The following HACL1 variants were observed in gnomAD, a reference collection of about 807,000 sequenced individuals.
The protein encoded by HACL1 is 2-hydroxyacyl-CoA lyase 1.
In HACL1, 64 loss-of-function variants were observed where a neutral mutation model predicts 74.2. The observed-to-expected ratio is 0.86, with a 90% CI of 0.70 to 1.06. The LOEUF is 1.06. Ranked by LOEUF, HACL1 falls within the 50% of genes least tolerant of loss-of-function variation. The pLI is 0.00. For missense variants in HACL1, 728 were observed against 719.7 expected, an observed-to-expected ratio of 1.01 and a Z score of -0.13; for synonymous variants, 230 against 238.8, an observed-to-expected ratio of 0.96 and a Z score of 0.34.
chr3:15,591,023 G>A (rs1187092504), intron 4 of HACL1, among the ~76,000 whole-genome samples: 1 of 152,196 alleles, frequency 6.6e-6, no homozygotes, highest in Non-Finnish European at 1.5e-5. Flanking sequence ...AGAGGTTGTG[G>A]TGTGCCAAGA....
chr3:15,596,664 T>C lies in HACL1; in HGVS notation c.187-240A>G, dbSNP rs549108749. Reference sequence around the variant, plus strand: ...AAACATCCTCTTACAATTGCTTAAATATCTGCAGGATCAATAGGAATGTCC... The same window carrying C: ...AAACATCCTCTTACAATTGCTTAAACATCTGCAGGATCAATAGGAATGTCC... On this transcript the variant is annotated intron_variant, in intron 2 of 16. Coordinates refer to ENST00000321169, the MANE Select transcript of HACL1 (RefSeq NM_012260.4). Among the ~76,000 whole-genome samples the C allele has an allele frequency of 7.8e-4, 119 of 152,354 alleles. 1 individual carries two copies. The highest frequency in any genetic ancestry group is 4.8e-3 in the Admixed American group (74 of 15,306).
chr3:15,584,137 C>T (rs2063755131), intron 7 of HACL1, among the ~76,000 whole-genome samples: 3 of 151,952 alleles, frequency 2.0e-5, no homozygotes, highest in Admixed American at 2.0e-4. Flanking sequence ...AATATTTAGA[C>T]ATATAATAAA....
chr3:15,595,620 T>TG (rs1157274963), intron 3 of HACL1, among the ~76,000 whole-genome samples: 1 of 144,030 alleles, frequency 6.9e-6, no homozygotes. Context: ...TTTTTTTTTT[T>TG]TTTTTTTGAG....
At chr3:15,581,168 T>C (rs531248274) in intron 8 of HACL1, among the ~76,000 whole-genome samples, 3 of 152,276 alleles carry the variant, frequency 2.0e-5, no homozygotes, top group East Asian at 1.9e-4. Flanking sequence ...TCCCAAAGTG[T>C]TGGGATTACA....
intron 2 of HACL1, among the ~76,000 whole-genome samples, chr3:15,597,343 T>C (rs1325025160): frequency 2.6e-5 from 4 of 152,176 alleles, no homozygotes; most frequent in African/African-American, 9.7e-5. Flanking sequence ...TGGCGATTTA[T>C]TGAGATTTCC....
At chr3:15,589,031 C>T (rs773886529) in intron 5 of HACL1, among the ~76,000 whole-genome samples, 1 of 152,128 alleles carries the variant, frequency 6.6e-6, no homozygotes, top group Non-Finnish European at 1.5e-5. Context: ...CTAAGCAGGG[C>T]CTAAGCTCAC....
Position 15,601,294 on chromosome 3 carries a change from C to G in HACL1, c.81+89G>C, listed in dbSNP as rs546099346. ...GCTAAAAGGAAAACCCCCCGACCCC[C>G]ATCGCCCATTTCTACTCGTCTCCAA... On this transcript the variant is annotated intron_variant, in intron 1 of 16. Transcript: ENST00000321169. 7.2e-5 allele frequency: 114 copies of G among 1,582,260 alleles called. 3 individuals carry two copies. The East Asian group carries it at 2.4e-3, about 33-fold the overall frequency.
Position 15,579,962 on chromosome 3 carries a change from T to C in HACL1, c.751A>G (p.Lys251Glu). ...KLPFLPTPMGKGVVPDNHPYC... is the reference protein window; with the variant it reads ...KLPFLPTPMGEGVVPDNHPYC... ...GGATGGTTGTCAGGGACAACACCCT[T>C]CCCCATAGGGGTGGGCAAAAATGGC... is the stretch of plus-strand genomic sequence containing the variant. Residue 251 changes from lysine (K) to glutamate (E), a missense_variant, in exon 9 of 17, where the codon AAG (lysine) becomes GAG (glutamate). Lys to Glu is a moderately conservative substitution (Grantham distance 56). Coordinates refer to ENST00000321169, the MANE Select transcript of HACL1 (RefSeq NM_012260.4). The C allele has an allele frequency of 6.2e-7, 1 of 1,610,762 alleles. No individual in the cohort carries two copies. Among genetic ancestry groups the C allele is most frequent in the Non-Finnish European group, 8.5e-7 (1 of 1,177,044 alleles).
chr3:15,564,749 G>T, intron 14 of HACL1, 91 bp from the exon 15 acceptor site: 2 of 599,516 alleles, frequency 3.3e-6, no homozygotes, highest in Non-Finnish European at 3.0e-6. Flanking sequence ...AAAATGAATA[G>T]TTTCCTATAA....
At chr3:15,581,764 C>T (rs2063718955) in intron 8 of HACL1, among the ~76,000 whole-genome samples, 2 of 152,180 alleles carry the variant, frequency 1.3e-5, no homozygotes, top group Non-Finnish European at 2.9e-5. Flanking sequence ...TTACTTGTTA[C>T]CAGGTCTATC....
At chr3:15,588,691 C>T (rs891872925) in intron 5 of HACL1, among the ~76,000 whole-genome samples, 4 of 152,142 alleles carry the variant, frequency 2.6e-5, no homozygotes, top group South Asian at 2.1e-4. Context: ...TCCAGCAATT[C>T]TCCCTCCTCA....
intron 12 of HACL1, 35 bp downstream of exon 12, chr3:15,571,633 G>A (rs1456133604): frequency 2.3e-6 from 2 of 874,448 alleles, no homozygotes; most frequent in Non-Finnish European, 2.0e-6. Flanking sequence ...TCATGAGCCT[G>A]ACCTGTTATT....
At chr3:15,581,616 C>G (rs2063716974) in intron 8 of HACL1, among the ~76,000 whole-genome samples, 1 of 152,196 alleles carries the variant, frequency 6.6e-6, no homozygotes, top group African/African-American at 2.4e-5. Flanking sequence ...GAACTATTGT[C>G]TGCTTTTTCA....
intron 9 of HACL1, among the ~76,000 whole-genome samples, chr3:15,575,843 C>T (rs2063615111): frequency 6.6e-6 from 1 of 151,896 alleles, no homozygotes; most frequent in African/African-American, 2.4e-5. Flanking sequence ...ACCTGGCTGT[C>T]TCATATACTT....
At chr3:15,571,566 G>T in intron 12 of HACL1, 102 bp downstream of exon 12, 3 of 732,778 alleles carry the variant, frequency 4.1e-6, no homozygotes, top group East Asian at 2.6e-5. Flanking sequence ...GCACAATTTT[G>T]CACATCAAGG....
intron 10 of HACL1, among the ~76,000 whole-genome samples, 172 bp from the exon 11 acceptor site, chr3:15,573,414 C>T (rs2063571050): frequency 1.3e-5 from 2 of 152,206 alleles, no homozygotes; most frequent in East Asian, 1.9e-4. Context: ...ATATTAGTAT[C>T]ATAGCTAGTA....
At chr3:15,585,171 TAAATTCTTCTA>T in intron 7 of HACL1, 66 bp downstream of exon 7, 1 of 735,324 alleles carries the variant, frequency 1.4e-6, no homozygotes, top group Non-Finnish European at 2.4e-6. Context: ...AACTGCTGGG[TAAATTCTTCTA>T]AAAAGGTAGG....
chr3:15,599,146 A>G (rs2064127858), intron 2 of HACL1, among the ~76,000 whole-genome samples: 1 of 152,206 alleles, frequency 6.6e-6, no homozygotes, highest in Non-Finnish European at 1.5e-5. Flanking sequence ...ATATCTCTCT[A>G]TCACAGCACT....
intron 9 of HACL1, among the ~76,000 whole-genome samples, chr3:15,578,053 G>A (rs1396399446): frequency 7.1e-6 from 1 of 141,400 alleles, no homozygotes; most frequent in African/African-American, 2.7e-5. Context: ...AACCAAGATC[G>A]CGCCACTGCA....
Sources: allele counts gnomAD v4.1 joint callset (sites outside exome capture counted in the v4.1 genomes callset), GRCh38; gene constraint gnomAD v4.1.1; transcripts MANE v1.5; gene names NCBI Gene and HGNC (gene_info 2026-07-23, HGNC 2026-07-21).